HDAC4: variants seen among roughly 807,000 people sequenced by gnomAD.
The protein encoded by HDAC4 is histone deacetylase A.
A neutral mutation model predicts 135.1 loss-of-function variants in HDAC4; 16 were observed. That is an observed-to-expected ratio of 0.12 (90% CI 0.08 to 0.18). HDAC4 has a LOEUF of 0.18. HDAC4 is among the 10% of genes least tolerant of loss of function. The pLI is 1.00. For synonymous variants in HDAC4, 685 were observed against 653.4 expected, an observed-to-expected ratio of 1.05 and a Z score of -0.74; for missense variants, 1,143 against 1,511.8, an observed-to-expected ratio of 0.76 and a Z score of 4.05.
At chr2:239,378,415 CGTGACCACGGCT>C (rs1179810834) in intron 1 of HDAC4, among the ~76,000 whole-genome samples, 3 of 152,188 alleles carry the variant, frequency 2.0e-5, no homozygotes, top group African/African-American at 7.2e-5. Flanking sequence ...ACATGCTCAA[CGTGACCACGGCT>C]GTTCTGACAC....
chr2:239,358,289 G>A (rs559996433), intron 1 of HDAC4, among the ~76,000 whole-genome samples: 6 of 152,298 alleles, frequency 3.9e-5, no homozygotes, highest in African/African-American at 1.4e-4. Flanking sequence ...TACGTTATCC[G>A]CTGTGTTATT....
At chr2:239,132,080 G>T (rs2040625686) in intron 11 of HDAC4, among the ~76,000 whole-genome samples, 1 of 152,186 alleles carries the variant, frequency 6.6e-6, no homozygotes, top group Non-Finnish European at 1.5e-5. Flanking sequence ...GACGGACAGG[G>T]GCTGGCTGGG....
chr2:239,060,564 G>A (rs539985800), intron 24 of HDAC4, among the ~76,000 whole-genome samples: 17 of 152,326 alleles, frequency 1.1e-4, no homozygotes, highest in East Asian at 3.9e-4. Context: ...TTTTACCCCC[G>A]TCCAGCTGGC....
intron 17 of HDAC4, 58 bp from the exon 18 acceptor site, chr2:239,090,174 C>T (rs2036375307): frequency 7.8e-7 from 1 of 1,281,094 alleles, no homozygotes; most frequent in African/African-American, 1.5e-5. Context: ...CATCACCAGC[C>T]CTGGCTGGGC....
chr2:239,317,705 G>A (rs1027948643), intron 2 of HDAC4, among the ~76,000 whole-genome samples: 2 of 152,190 alleles, frequency 1.3e-5, no homozygotes, highest in Admixed American at 1.3e-4. Flanking sequence ...GCTCTTTACA[G>A]GAGAAAGTTA....
intron 3 of HDAC4, among the ~76,000 whole-genome samples, chr2:239,208,326 CAAAAA>C (rs759398313): frequency 4.2e-3 from 285 of 68,226 alleles, no homozygotes; most frequent in African/African-American, 0.022. Context: ...GACTCCGTCC[CAAAAA>C]AAAAAAAAAA....
chr2:239,118,506 C>G (rs1220283260), intron 12 of HDAC4, among the ~76,000 whole-genome samples: 1 of 152,090 alleles, frequency 6.6e-6, no homozygotes, highest in Non-Finnish European at 1.5e-5. Context: ...GCGTCGGGAA[C>G]AGGAACGTGC....
chr2:239,215,608 G>A (rs1046328112), intron 3 of HDAC4, among the ~76,000 whole-genome samples: 3 of 152,154 alleles, frequency 2.0e-5, no homozygotes, highest in African/African-American at 7.2e-5. Context: ...TCAACAACAT[G>A]AATGGCGGCA....
At chr2:239,321,978 G>A (rs1474862002) in intron 2 of HDAC4, among the ~76,000 whole-genome samples, 2 of 152,246 alleles carry the variant, frequency 1.3e-5, no homozygotes, top group East Asian at 3.8e-4. Flanking sequence ...GCACAGATTT[G>A]TTTAAGCGGA....
Position 239,068,466 on chromosome 2 carries a change from C to CA in HDAC4, c.2869+22dup, listed in dbSNP as rs750632208. The CA allele has an allele frequency of 1.3e-6, 2 of 1,527,586 alleles. No homozygotes were observed. The highest frequency in any genetic ancestry group is 2.2e-5 in the South Asian group (2 of 89,392). 94.6% of individuals were successfully genotyped at this position (1,527,586 alleles called of 1,614,324 possible). ...ATGGACATGAGCAGAACCGGCTCCTCAGTCATATGCAGAACCACTTACATC... is the reference window on the plus strand; with the variant it reads ...ATGGACATGAGCAGAACCGGCTCCTCAAGTCATATGCAGAACCACTTACATC... On this transcript the variant is annotated intron_variant, in intron 23 of 26. Coordinates refer to ENST00000543185, the MANE Select transcript of HDAC4 (RefSeq NM_001378414.1). This position sits in a 1 kb window ranked among gnomAD's most constrained non-coding sequence, Gnocchi z 4.4.
At chr2:239,397,654 C>T (rs1696657781) in intron 1 of HDAC4, among the ~76,000 whole-genome samples, 1 of 152,208 alleles carries the variant, frequency 6.6e-6, no homozygotes, top group African/African-American at 2.4e-5. Flanking sequence ...CACCATGGCC[C>T]TCATGCCACC....
At position 239,400,505 on chromosome 2, in the gene HDAC4, G is replaced by A. The variant is rs1263864263; in HGVS notation, c.-220+473C>T. On this transcript the variant is annotated intron_variant, in intron 1 of 26. Transcript: ENST00000543185. The surrounding 1 kb of genome is among the most constrained non-coding windows in gnomAD (Gnocchi z 4.7). ...TGGAAAGGTCCAGAAGGGGCCGGGC[G>A]GCCCTGGGGACCGGCGGGTCCCACG... is the stretch of plus-strand genomic sequence containing the variant. 6.8e-6 allele frequency: 1 copy of A among 145,998 alleles called. No individual in the cohort carries two copies. The highest frequency in any genetic ancestry group is 1.5e-5 in the Non-Finnish European group (1 of 65,654). 9.0% of individuals were successfully genotyped at this position (145,998 alleles called of 1,614,324 possible).
intron 24 of HDAC4, among the ~76,000 whole-genome samples, chr2:239,061,206 G>A (rs907249921): frequency 2.6e-5 from 4 of 152,164 alleles, no homozygotes; most frequent in Admixed American, 2.0e-4. Flanking sequence ...TGTGGGGTAT[G>A]TGTGCGTGTG....
In HDAC4 at chr2:239,399,348, A is replaced by G. The variant is rs181843546; in HGVS notation, c.-220+1630T>C. 1.1e-4 allele frequency among the ~76,000 whole-genome samples: 17 copies of G among 152,238 alleles called. No homozygotes were observed. The East Asian group carries it at 3.1e-3, about 28-fold the overall frequency. On this transcript the variant is annotated intron_variant, in intron 1 of 26. Coordinates refer to ENST00000543185, the MANE Select transcript of HDAC4 (RefSeq NM_001378414.1). ...ACTTTTGTTGCTTTGTAACTGCTGT[A>G]GTGTATATTTGTGTACAAGCAGCTG...
intron 5 of HDAC4, among the ~76,000 whole-genome samples, chr2:239,173,392 A>C (rs1007785573): frequency 6.6e-6 from 1 of 152,216 alleles, no homozygotes; most frequent in Non-Finnish European, 1.5e-5. Context: ...TAACCACATA[A>C]AGCCAAAAAA....
chr2:239,356,231 A>G (rs74003961), intron 1 of HDAC4, among the ~76,000 whole-genome samples: 1,684 of 152,330 alleles, frequency 0.011, 32 homozygotes, highest in African/African-American at 0.039. Flanking sequence ...TAAAAAGGTG[A>G]AAACAGTTTG....
chr2:239,392,081 C>CG (rs1239929330), intron 1 of HDAC4, among the ~76,000 whole-genome samples: 3 of 152,218 alleles, frequency 2.0e-5, no homozygotes, highest in African/African-American at 7.2e-5. Context: ...CCATCCTGCC[C>CG]GGGCCACCAT....
chr2:239,238,305 T>C (rs942631374), intron 2 of HDAC4, among the ~76,000 whole-genome samples: 2 of 152,250 alleles, frequency 1.3e-5, no homozygotes, highest in Non-Finnish European at 2.9e-5. Flanking sequence ...CCTGTATGTA[T>C]GTATGTTTAT....
chr2:239,057,251 C>A (rs2031996191), intron 24 of HDAC4, among the ~76,000 whole-genome samples: 1 of 152,168 alleles, frequency 6.6e-6, no homozygotes, highest in Non-Finnish European at 1.5e-5. Flanking sequence ...AGTTTATTAA[C>A]TTTTAATAAG....
Sources: gnomAD v4.1 joint callset for allele counts (sites outside exome capture counted in the v4.1 genomes callset) on GRCh38, gnomAD v4.1.1 for gene constraint, Gnocchi (gnomAD v3.1) non-coding constraint, MANE v1.5 for transcripts, NCBI Gene and HGNC (gene_info 2026-07-23, HGNC 2026-07-21) for gene names.